DENND1A: variants seen among roughly 807,000 people sequenced by gnomAD.
DENND1A encodes the protein DENN domain-containing protein 1A.
A neutral mutation model predicts 113.7 loss-of-function variants in DENND1A; 51 were observed. The observed-to-expected ratio is 0.45, with a 90% confidence interval of 0.36 to 0.57. The LOEUF (loss-of-function observed/expected upper bound fraction) is 0.57. Among genes scored for constraint, DENND1A ranks in the 20% least tolerant of loss-of-function variants. The pLI, the probability that DENND1A is intolerant of heterozygous loss-of-function variation, is 0.00. For synonymous variants in DENND1A, 565 were observed against 570.8 expected, an observed-to-expected ratio of 0.99 and a Z score of 0.14; for missense variants, 1,258 against 1,395.9, an observed-to-expected ratio of 0.90 and a Z score of 1.57.
At chr9:123,698,752 A>G (rs1336160246) in intron 5 of DENND1A, among the ~76,000 whole-genome samples, 1 of 152,236 alleles carries the variant, frequency 6.6e-6, no homozygotes, top group African/African-American at 2.4e-5. Flanking sequence ...ACTGGCAACC[A>G]AAAGAACAGC....
At chr9:123,816,067 C>A (rs564831373) in intron 2 of DENND1A, among the ~76,000 whole-genome samples, 1 of 143,938 alleles carries the variant, frequency 6.9e-6, no homozygotes, top group Non-Finnish European at 1.5e-5. Flanking sequence ...GTGGCACAAT[C>A]CTGGCTCACT....
rs772453295 is a variant in DENND1A, at chr9:123,383,784, G to A, written c.1890C>T (p.Asp630=). 2.8e-5 allele frequency: 45 copies of A among 1,614,102 alleles called. No homozygotes were observed. The highest frequency in any genetic ancestry group is 3.8e-5 in the Non-Finnish European group (45 of 1,180,032). ...PAPPDRAASI[D]LLEDVFSNLD... ...GGTTGCTGAAGACGTCTTCCAGAAG[G>A]TCGATGCTGGCAGCCCGGTCAGGGG... The change falls in exon 23 of 24, where the codon GAC becomes GAT. Residue 630 remains aspartate (D), a synonymous_variant. Coordinates refer to ENST00000394215, the MANE Select transcript of DENND1A (RefSeq NM_001352964.2).
chr9:123,645,648 C>T (rs972928369), intron 9 of DENND1A, among the ~76,000 whole-genome samples: 2 of 152,176 alleles, frequency 1.3e-5, no homozygotes, highest in African/African-American at 4.8e-5. Flanking sequence ...CTTCTACCAG[C>T]AATCCATGAA....
chr9:123,928,572 T>G (rs961407979), intron 1 of DENND1A: 2 of 985,330 alleles, frequency 2.0e-6, no homozygotes, highest in African/African-American at 3.5e-5. Context: ...AGAGTGTTCA[T>G]GCGACTCTTC....
At chr9:123,431,054 A>G (rs1022634036) in intron 19 of DENND1A, among the ~76,000 whole-genome samples, 5 of 152,182 alleles carry the variant, frequency 3.3e-5, no homozygotes, top group Non-Finnish European at 4.4e-5. Flanking sequence ...TCTGATGAAC[A>G]TGACTGGATA....
intron 13 of DENND1A, among the ~76,000 whole-genome samples, chr9:123,546,320 G>A (rs1261805180): frequency 1.3e-5 from 2 of 151,902 alleles, no homozygotes; most frequent in African/African-American, 2.4e-5. Flanking sequence ...AGGCCAAGGT[G>A]GGCAGATCAC....
intron 13 of DENND1A, among the ~76,000 whole-genome samples, chr9:123,521,835 C>T (rs188713639): frequency 6.0e-4 from 91 of 152,344 alleles, no homozygotes; most frequent in Admixed American, 5.3e-3. Flanking sequence ...GCTCCCTCAT[C>T]TGTAACAGGG....
intron 22 of DENND1A, among the ~76,000 whole-genome samples, chr9:123,387,282 G>T (rs1373671725): frequency 6.6e-6 from 1 of 152,220 alleles, no homozygotes; most frequent in Non-Finnish European, 1.5e-5. Flanking sequence ...AGGCAGATCA[G>T]AACACTTGGA....
intron 13 of DENND1A, among the ~76,000 whole-genome samples, chr9:123,554,233 A>G (rs999572845): frequency 7.2e-5 from 11 of 151,884 alleles, no homozygotes; most frequent in Non-Finnish European, 1.2e-4. Context: ...TCCGCTCAAC[A>G]TTTTTAAAAG....
Position 123,895,043 on chromosome 9 carries a change from C to G in DENND1A, c.18-16022G>C, listed in dbSNP as rs74309563. ...TCACCCTGATTGAAACTCAGAAACA[C>G]TGCAGCTGCAAGTTCCTTTTTTTTT... On this transcript the variant is annotated intron_variant, in intron 1 of 23. Coordinates refer to ENST00000394215, the MANE Select transcript of DENND1A (RefSeq NM_001352964.2). Among the ~76,000 whole-genome samples, 22 of 150,778 alleles carry G rather than the reference C, an allele frequency of 1.5e-4. No individual in the cohort carries two copies. The East Asian group carries it at 3.5e-3, about 24-fold the overall frequency.
chr9:123,815,320 T>C (rs1564325902), intron 2 of DENND1A, among the ~76,000 whole-genome samples: 1 of 152,194 alleles, frequency 6.6e-6, no homozygotes. Flanking sequence ...AGACGAAATA[T>C]TCCTAACTAA....
intron 13 of DENND1A, among the ~76,000 whole-genome samples, chr9:123,534,556 T>C (rs1387626847): frequency 1.3e-5 from 2 of 152,240 alleles, no homozygotes; most frequent in Non-Finnish European, 2.9e-5. Flanking sequence ...TAATGCCAAA[T>C]TGTTTTCCAA....
intron 13 of DENND1A, among the ~76,000 whole-genome samples, chr9:123,496,271 A>G (rs577778315): frequency 3.9e-5 from 6 of 152,250 alleles, no homozygotes; most frequent in Non-Finnish European, 8.8e-5. Context: ...ACTTTGGAGG[A>G]GCATTGTCAT....
intron 2 of DENND1A, among the ~76,000 whole-genome samples, chr9:123,815,419 CT>C (rs1837284777): frequency 6.6e-6 from 1 of 152,186 alleles, no homozygotes; most frequent in Non-Finnish European, 1.5e-5. Context: ...CTAGAAACAA[CT>C]TTAACACACT....
intron 5 of DENND1A, among the ~76,000 whole-genome samples, chr9:123,732,538 C>T (rs1295038111): frequency 1.3e-5 from 2 of 152,134 alleles, no homozygotes; most frequent in Non-Finnish European, 2.9e-5. Flanking sequence ...GGTTTGACCA[C>T]ACAGGGGCAA....
At chr9:123,384,980 A>C (rs566776945) in intron 22 of DENND1A, among the ~76,000 whole-genome samples, 37 of 151,354 alleles carry the variant, frequency 2.4e-4, no homozygotes, top group Non-Finnish European at 3.7e-4. Flanking sequence ...AACAAAACAA[A>C]AAAACAAACA....
At chr9:123,916,620 G>A (rs1588236898) in intron 1 of DENND1A, among the ~76,000 whole-genome samples, 4 of 151,990 alleles carry the variant, frequency 2.6e-5, no homozygotes, top group South Asian at 2.1e-4. Flanking sequence ...TGATCTGCCC[G>A]CCTTGGCCAC....
rs181719013 is a variant in DENND1A, at chr9:123,417,025, G to A, written c.1489-5196C>T. 1.3e-4 allele frequency among the ~76,000 whole-genome samples: 20 copies of A among 152,368 alleles called. No homozygotes were observed. In the East Asian group the frequency reaches 3.7e-3, roughly 28 times the overall value. On this transcript the variant is annotated intron_variant, in intron 19 of 23. Coordinates refer to ENST00000394215, the MANE Select transcript of DENND1A (RefSeq NM_001352964.2). ...ACCCATGGGTTCACGAGTTGGTTCT[G>A]TCATTTTCTAGTTGACTTCAGTATT...
intron 3 of DENND1A, among the ~76,000 whole-genome samples, chr9:123,781,887 T>C (rs1831372581): frequency 6.6e-6 from 1 of 152,086 alleles, no homozygotes; most frequent in South Asian, 2.1e-4. Context: ...CTGGGCAACA[T>C]GGCAAAACCC....
Sources: allele counts gnomAD v4.1 joint callset (sites outside exome capture counted in the v4.1 genomes callset), GRCh38; gene constraint gnomAD v4.1.1; transcripts MANE v1.5; gene names NCBI Gene and HGNC (gene_info 2026-07-23, HGNC 2026-07-21).